UGT1A10: variants seen among roughly 807,000 people sequenced by gnomAD.
UGT1A10 encodes UDP-glucuronosyltransferase 1A10.
UGT1A10 carries 49 observed loss-of-function variants against 45.8 expected under a neutral mutation model. The ratio of observed to expected loss-of-function variants is 1.07; its 90% CI spans 0.85 to 1.36. The LOEUF (loss-of-function observed/expected upper bound fraction) is 1.36, where lower values mean the gene tolerates loss of function less well. UGT1A10 is among the 40% of genes most tolerant of loss of function. The pLI, the probability that UGT1A10 is intolerant of heterozygous loss-of-function variation, is 0.00. For missense variants in UGT1A10, 745 were observed against 668.6 expected (o/e 1.11, Z -1.26); for synonymous variants, 284 against 249.7 (o/e 1.14, Z -1.29).
intron 1 of UGT1A10, among the ~76,000 whole-genome samples, chr2:233,731,764 G>C (rs533999102): frequency 6.6e-6 from 1 of 152,196 alleles, no homozygotes; most frequent in East Asian, 1.9e-4. Context: ...TGTGTCCTTA[G>C]AGTAGTATCA....
intron 1 of UGT1A10, among the ~76,000 whole-genome samples, chr2:233,704,490 ATTG>A (rs1399641575): frequency 1.3e-5 from 2 of 152,084 alleles, no homozygotes; most frequent in African/African-American, 4.8e-5. Flanking sequence ...TTATGATATT[ATTG>A]TTATACGTGG....
chr2:233,740,162 T>C (rs747087545), intron 1 of UGT1A10, among the ~76,000 whole-genome samples: 1 of 151,900 alleles, frequency 6.6e-6, no homozygotes, highest in Non-Finnish European at 1.5e-5. Context: ...TCCCCAGTCA[T>C]GTGGAACTGT....
intron 1 of UGT1A10, among the ~76,000 whole-genome samples, chr2:233,657,585 C>T (rs560284997): frequency 6.6e-6 from 1 of 152,172 alleles, no homozygotes; most frequent in Non-Finnish European, 1.5e-5. Flanking sequence ...ACCCAGATAC[C>T]TCCCACTAAG....
intron 1 of UGT1A10, chr2:233,761,003 A>G: frequency 6.2e-7 from 1 of 1,614,128 alleles, no homozygotes. Context: ...GAATTCCTTC[A>G]GAGAGAGGTG....
At position 233,769,757 on chromosome 2, in the gene UGT1A10, A is replaced by G; in HGVS notation, c.1295+1318A>G. 7.1e-7 allele frequency: 1 copy of G among 1,417,082 alleles called. No individual in the cohort carries two copies. Among genetic ancestry groups the G allele is most frequent in the Non-Finnish European group, 9.2e-7 (1 of 1,082,860 alleles). 87.8% of individuals were successfully genotyped at this position (1,417,082 alleles called of 1,614,324 possible). A position where few individuals can be genotyped will look rare whatever the true frequency, so the allele number is the denominator to read the frequency against. On this transcript the variant is annotated intron_variant, in intron 4 of 4. Coordinates refer to ENST00000344644, the MANE Select transcript of UGT1A10 (RefSeq NM_019075.4). The surrounding 1 kb of genome is among the most constrained non-coding windows in gnomAD (Gnocchi z 4.4). ...GTAGTCCCAGCCACTCTGGAGGCTA[A>G]GGCGGGAGGATTGCTTGAGCCCAGA...
chr2:233,681,163 A>G (rs557524327), intron 1 of UGT1A10, among the ~76,000 whole-genome samples: 9 of 152,008 alleles, frequency 5.9e-5, no homozygotes, highest in East Asian at 5.9e-4. Context: ...TAGGAGGTCA[A>G]CGCTAAGACC....
Position 233,636,719 on chromosome 2 carries a change from T to G in UGT1A10, c.197T>G (p.Leu66Arg). The G allele has an allele frequency of 1.2e-6, 2 of 1,614,170 alleles. No individual in the cohort carries two copies. The highest frequency in any genetic ancestry group is 1.7e-6 in the Non-Finnish European group (2 of 1,180,018). ...GTCATGCCAGAGGTGAGTTGGCAAC[T>G]GGAAAGATCACTGAATTGCACAGTG... ...VVVMPEVSWQ[L>R]ERSLNCTVKT... The change falls in exon 1 of 5, where the codon CTG (leucine) becomes CGG (arginine). Residue 66 changes from leucine (L) to arginine (R), a missense_variant. By Grantham distance (102) the Leu-to-Arg change is moderately radical. Coordinates refer to ENST00000344644, the MANE Select transcript of UGT1A10 (RefSeq NM_019075.4).
chr2:233,711,943 C>T (rs192245283), intron 1 of UGT1A10, among the ~76,000 whole-genome samples: 111 of 152,264 alleles, frequency 7.3e-4, no homozygotes, highest in Admixed American at 1.6e-3. Context: ...GAAAGGCACA[C>T]GTTTAATTCT....
chr2:233,745,084 T>A (rs1035924071), intron 1 of UGT1A10, among the ~76,000 whole-genome samples: 1 of 151,944 alleles, frequency 6.6e-6, no homozygotes, highest in African/African-American at 2.4e-5. Flanking sequence ...TTTTCATTGC[T>A]CTTCCCCCCA....
chr2:233,667,425 A>C (rs1415942038), intron 1 of UGT1A10, among the ~76,000 whole-genome samples: 2 of 152,238 alleles, frequency 1.3e-5, no homozygotes, highest in Non-Finnish European at 2.9e-5. Context: ...AAACCATAAA[A>C]ACCCTAGAAG....
At chr2:233,747,175 C>G in intron 1 of UGT1A10, 1 of 1,599,222 alleles carries the variant, frequency 6.3e-7, no homozygotes, top group Non-Finnish European at 8.5e-7. Flanking sequence ...GGAGGCACAG[C>G]GTGGGGTGGA....
At chr2:233,739,569 GT>G (rs1056417236) in intron 1 of UGT1A10, among the ~76,000 whole-genome samples, 1 of 152,220 alleles carries the variant, frequency 6.6e-6, no homozygotes, top group Non-Finnish European at 1.5e-5. Flanking sequence ...GCCCTGCCTG[GT>G]TTTGGACTTG....
chr2:233,700,200 C>T (rs536446307), intron 1 of UGT1A10, among the ~76,000 whole-genome samples: 2 of 152,322 alleles, frequency 1.3e-5, no homozygotes, highest in Non-Finnish European at 2.9e-5. Context: ...CCTTTGTTGG[C>T]TGAGCTGTGG....
intron 1 of UGT1A10, among the ~76,000 whole-genome samples, chr2:233,684,383 C>T (rs1039827324): frequency 6.6e-6 from 1 of 152,194 alleles, no homozygotes; most frequent in Non-Finnish European, 1.5e-5. Flanking sequence ...CCATCAATTA[C>T]AGCACCAGCC....
intron 1 of UGT1A10, chr2:233,721,662 A>AG (rs2076961338): frequency 4.1e-6 from 1 of 245,624 alleles, no homozygotes; most frequent in Non-Finnish European, 8.2e-6. Context: ...GGGTCATGTA[A>AG]GGGTTAATCC....
In UGT1A10 at chr2:233,767,156, C is replaced by A. The variant is rs1029357504; in HGVS notation, c.978C>A (p.Ile326=). Residue 326 remains isoleucine, a synonymous_variant, in exon 2 of 5, where the codon ATC becomes ATA. Coordinates refer to ENST00000344644, the MANE Select transcript of UGT1A10 (RefSeq NM_019075.4). Reference sequence around the variant, plus strand: ...CAATTGCTGATGCTTTGGGCAAAATCCCTCAGACAGTAAGAAGATTCTATA... The same window carrying A: ...CAATTGCTGATGCTTTGGGCAAAATACCTCAGACAGTAAGAAGATTCTATA... ...AMAIADALGK[I]PQTVLWRYTG... The A allele has an allele frequency of 6.2e-7, 1 of 1,614,058 alleles. No individual in the cohort carries two copies. Among genetic ancestry groups the A allele is most frequent in the Non-Finnish European group, 8.5e-7 (1 of 1,179,996 alleles).
At chr2:233,729,130 G>T (rs1021127658) in intron 1 of UGT1A10, 3 of 1,613,064 alleles carry the variant, frequency 1.9e-6, no homozygotes, top group Admixed American at 3.3e-5. Context: ...TGCTGAGATG[G>T]CCACAGGACT....
intron 1 of UGT1A10, among the ~76,000 whole-genome samples, chr2:233,688,474 C>G (rs1258940143): frequency 6.6e-6 from 1 of 152,216 alleles, no homozygotes; most frequent in Non-Finnish European, 1.5e-5. Context: ...TGGGAAATGT[C>G]CTATCTCCAT....
intron 1 of UGT1A10, among the ~76,000 whole-genome samples, chr2:233,649,674 C>T (rs1253733415): frequency 1.3e-5 from 2 of 152,168 alleles, no homozygotes; most frequent in Non-Finnish European, 2.9e-5. Flanking sequence ...GCAACATAGA[C>T]ACAAGCTTTC....
Sources: gnomAD v4.1 joint callset for allele counts (sites outside exome capture counted in the v4.1 genomes callset) on GRCh38, gnomAD v4.1.1 for gene constraint, Gnocchi (gnomAD v3.1) non-coding constraint, MANE v1.5 for transcripts, NCBI Gene and HGNC (gene_info 2026-07-23, HGNC 2026-07-21) for gene names.